LILRB4: variants seen among roughly 807,000 people sequenced by gnomAD.
LILRB4 encodes leukocyte immunoglobulin-like receptor subfamily B member 4.
A neutral mutation model predicts 55.2 loss-of-function variants in LILRB4; 49 were observed. The observed-to-expected ratio is 0.89, with a 90% CI of 0.71 to 1.13. The LOEUF is 1.13. Ranked by LOEUF, LILRB4 falls within the 50% of genes most tolerant of loss-of-function variation. The pLI is 0.00. For synonymous variants in LILRB4, 229 were observed against 213.8 expected (o/e 1.07, Z -0.62); for missense variants, 590 against 555.2 (o/e 1.06, Z -0.63).
At position 54,666,899 on chromosome 19, in the gene LILRB4, T is replaced by G; in HGVS notation, c.1041+150T>G. The G allele has an allele frequency of 1.2e-6, 1 of 846,546 alleles. No homozygotes were observed. Among genetic ancestry groups the G allele is most frequent in the Non-Finnish European group, 2.1e-6 (1 of 483,402 alleles). The allele number at this position is 846,546 out of a possible 1,614,324, so 52.4% of individuals were successfully genotyped here. ...ACGCTGCCTCCTGCCTGCTGGGACC[T>G]CACTCTCTCCTGCTGTCCTGGGACC... On this transcript the variant is annotated intron_variant, in intron 10 of 11. Coordinates refer to ENST00000430952, the Ensembl canonical transcript of LILRB4. This position sits in a 1 kb window ranked among gnomAD's most constrained non-coding sequence, Gnocchi z 4.8.
rs566502203 is a variant in LILRB4, at chr19:54,667,003, C to A, written c.1041+254C>A. ...CTGGTTGTTAGAGAGCTCCCCAGGC[C>A]TCAGGAGGATGACGAATAAATGAAC... On this transcript the variant is annotated intron_variant, in intron 10 of 11. Coordinates refer to ENST00000430952, the Ensembl canonical transcript of LILRB4. 60 of 695,026 alleles carry A rather than the reference C, an allele frequency of 8.6e-5. No individual in the cohort carries two copies. The African/African-American group carries it at 9.3e-4, about 11-fold the overall frequency. The allele number at this position is 695,026 out of a possible 1,614,324, so 43.1% of individuals were successfully genotyped here.
At chr19:54,663,758 C>G in exon 3 of LILRB4, 1 of 1,614,002 alleles carries the variant, frequency 6.2e-7, no homozygotes, top group Non-Finnish European at 8.5e-7. Context: ...TTCCAGGGCC[C>G]CTCCCCAAAC....
At chr19:54,663,317 G>C (rs1206308512) in intron 1 of LILRB4, among the ~76,000 whole-genome samples, 1 of 151,906 alleles carries the variant, frequency 6.6e-6, no homozygotes, top group African/African-American at 2.4e-5. Flanking sequence ...GTGGTTGCAG[G>C]CGCCTGTGGT....
rs1042475098 is a variant in LILRB4, at chr19:54,667,049, C to T, written c.1041+300C>T. 7.6e-6 allele frequency: 5 copies of T among 654,764 alleles called. No individual in the cohort carries two copies. The African/African-American group carries it at 8.9e-5, about 12-fold the overall frequency. 40.6% of individuals were successfully genotyped at this position (654,764 alleles called of 1,614,324 possible). A position where few individuals can be genotyped will look rare whatever the true frequency, so the allele number is the denominator to read the frequency against. ...TGAACCACTCCAGTCCCCTGGGCTCCCCTTCATTCATTCATCTAGTGAGTG... is the reference window on the plus strand; with the variant it reads ...TGAACCACTCCAGTCCCCTGGGCTCTCCTTCATTCATTCATCTAGTGAGTG... On this transcript the variant is annotated intron_variant, in intron 10 of 11. Transcript: ENST00000430952.
At position 54,665,463 on chromosome 19, in the gene LILRB4, C is replaced by T. The variant is rs192494172; in HGVS notation, c.757+283C>T. 2.0e-3 allele frequency among the ~76,000 whole-genome samples: 305 copies of T among 151,754 alleles called. 1 individual carries two copies. Among genetic ancestry groups the T allele is most frequent in the African/African-American group, 7.2e-3 (297 of 41,374 alleles). ...GTCCCACCTGCAGCAGAGACGGTGACCTGGGGCAGGGGAGGGGAGCAGGGC... is the reference window on the plus strand; with the variant it reads ...GTCCCACCTGCAGCAGAGACGGTGATCTGGGGCAGGGGAGGGGAGCAGGGC... On this transcript the variant is annotated intron_variant, in intron 6 of 11. Coordinates refer to ENST00000430952, the Ensembl canonical transcript of LILRB4. This position sits in a 1 kb window ranked among gnomAD's most constrained non-coding sequence, Gnocchi z 5.5.
rs940747890 is a variant in LILRB4 at position 54,665,792 on chromosome 19, T to C, written c.758-23T>C. The C allele has an allele frequency of 1.4e-5, 22 of 1,580,388 alleles. No individual in the cohort carries two copies. Among genetic ancestry groups the C allele is most frequent in the Non-Finnish European group, 1.9e-5 (22 of 1,163,456 alleles). On this transcript the variant is annotated intron_variant, in intron 6 of 11. Coordinates refer to ENST00000430952, the Ensembl canonical transcript of LILRB4. This position sits in a 1 kb window ranked among gnomAD's most constrained non-coding sequence, Gnocchi z 5.5. ...GTGCACATCAATGACATCATCCCCA[T>C]TCCTGATGTCATCACGCCCAAGGTC...
chr19:54,667,772 G>C, exon 11 of LILRB4: 2 of 1,611,218 alleles, frequency 1.2e-6, no homozygotes, highest in Non-Finnish European at 1.7e-6. Flanking sequence ...AGGCAGAAGA[G>C]GACAGACAGA....
chr19:54,666,181 TG>T lies in LILRB4; in HGVS notation c.875-58del, dbSNP rs1354688683. The T allele has an allele frequency of 3.5e-5, 51 of 1,462,672 alleles. No individual in the cohort carries two copies. The highest frequency in any genetic ancestry group is 4.2e-5 in the Non-Finnish European group (45 of 1,081,186). The allele number at this position is 1,462,672 out of a possible 1,614,324, so 90.6% of individuals were successfully genotyped here. On this transcript the variant is annotated intron_variant, in intron 7 of 11. Transcript: ENST00000430952. The surrounding 1 kb of genome is among the most constrained non-coding windows in gnomAD (Gnocchi z 4.8). The stretch of plus-strand genomic sequence containing the variant: ...AGGTTTCCTTTCCTCTTGACTTGCA[TG>T]TGCAAGGCAGGTGGTTCTAACGTTC...
chr19:54,666,242 C>A lies in LILRB4; in HGVS notation c.877C>A (p.Gln293Lys). The change falls in exon 8 of 12, where the codon CAG (glutamine) becomes AAG (lysine). Residue 293 changes from glutamine to lysine, a missense_variant and splice_region_variant. Physicochemically the swap from Gln to Lys is moderately conservative, Grantham distance 53. Coordinates refer to ENST00000430952, the Ensembl canonical transcript of LILRB4. This position sits in a 1 kb window ranked among gnomAD's most constrained non-coding sequence, Gnocchi z 4.8. ...AGACTCTGTCCATCTTCCCCCAGCC[C>A]AGAGACAGGCTGATTTCCAACGTCC... 1 of 1,598,710 alleles carries A rather than the reference C, an allele frequency of 6.3e-7. No individual in the cohort carries two copies. Among genetic ancestry groups the A allele is most frequent in the South Asian group, 1.1e-5 (1 of 88,476 alleles).
chr19:54,667,196 C>T (rs1051350154), intron 10 of LILRB4: 9 of 555,066 alleles, frequency 1.6e-5, no homozygotes, highest in South Asian at 3.1e-5. Flanking sequence ...ATAAATGCAT[C>T]GTGTCCAGGA....
exon 12 of LILRB4, chr19:54,668,314 T>C (rs750356406): frequency 2.6e-5 from 9 of 342,924 alleles, no homozygotes; most frequent in Non-Finnish European, 2.6e-5. Flanking sequence ...ATCAAACCAA[T>C]GACATGGGAA....
At chr19:54,664,152 G>T (rs1568640473) in intron 3 of LILRB4, 34 bp from the exon 4 acceptor site, 1 of 1,572,526 alleles carries the variant, frequency 6.4e-7, no homozygotes, top group Non-Finnish European at 8.7e-7. Flanking sequence ...GGAGGTGGGA[G>T]CCCCATTTAA....
At position 54,665,644 on chromosome 19, in the gene LILRB4, C is replaced by T. The variant is rs2065230617; in HGVS notation, c.758-171C>T. Among the ~76,000 whole-genome samples, 1 of 152,130 alleles carries T rather than the reference C, an allele frequency of 6.6e-6. No homozygotes were observed. The highest frequency in any genetic ancestry group is 1.5e-5 in the Non-Finnish European group (1 of 68,018). On this transcript the variant is annotated intron_variant, in intron 6 of 11. Coordinates refer to ENST00000430952, the Ensembl canonical transcript of LILRB4. This position sits in a 1 kb window ranked among gnomAD's most constrained non-coding sequence, Gnocchi z 5.5. ...GCAGGCGATTCCCCTCTCTGAGCCTCAGTTTGTGCATCTGTGAAATGGGTG... is the reference window on the plus strand; with the variant it reads ...GCAGGCGATTCCCCTCTCTGAGCCTTAGTTTGTGCATCTGTGAAATGGGTG...
exon 4 of LILRB4, chr19:54,664,219 C>T (rs1003078720): frequency 2.2e-5 from 35 of 1,613,882 alleles, no homozygotes; most frequent in East Asian, 1.3e-4. Flanking sequence ...TCAGCCCTGC[C>T]GAGTCCTCTT....
chr19:54,667,588 G>A (rs759906903), intron 10 of LILRB4, 47 bp from the exon 11 acceptor site: 7 of 1,606,210 alleles, frequency 4.4e-6, no homozygotes, highest in Non-Finnish European at 5.1e-6. Context: ...TTGACTCCAG[G>A]GAGTCAGGAG....
chr19:54,664,025 G>A, exon 3 of LILRB4: 1 of 1,613,992 alleles, frequency 6.2e-7, no homozygotes, highest in Non-Finnish European at 8.5e-7. Context: ...ACCCCCTGGA[G>A]CTGGTGATGA....
chr19:54,667,015 A>G, intron 10 of LILRB4: 2 of 684,762 alleles, frequency 2.9e-6, no homozygotes, highest in Non-Finnish European at 5.5e-6. Flanking sequence ...CAGGAGGATG[A>G]CGAATAAATG....
At chr19:54,663,828 T>C (rs1190916606) in exon 3 of LILRB4, 1 of 1,613,974 alleles carries the variant, frequency 6.2e-7, no homozygotes, top group Non-Finnish European at 8.5e-7. Flanking sequence ...GACCATCTGG[T>C]GTCAGGGGAC....
rs189220272 is a variant in LILRB4 at position 54,666,280 on chromosome 19, C to A, written c.915C>A (p.Ala305=). 10 of 1,609,330 alleles carry A rather than the reference C, an allele frequency of 6.2e-6. No individual in the cohort carries two copies. The highest frequency in any genetic ancestry group is 7.6e-6 in the Non-Finnish European group (9 of 1,177,586). ...ATTTCCAACGTCCTCCAGGGGCTGC[C>A]GAGCCAGAGCCCAAGGACGGGGGCC... Residue 305 remains alanine, a synonymous_variant, in exon 8 of 12, where the codon GCC becomes GCA. Transcript: ENST00000430952. The surrounding 1 kb of genome is among the most constrained non-coding windows in gnomAD (Gnocchi z 4.8).
Sources: gnomAD v4.1 joint callset for allele counts (sites outside exome capture counted in the v4.1 genomes callset) on GRCh38, gnomAD v4.1.1 for gene constraint, Gnocchi (gnomAD v3.1) non-coding constraint, MANE v1.5 for transcripts, NCBI Gene and HGNC (gene_info 2026-07-23, HGNC 2026-07-21) for gene names.